Variants in CAST observed in about 807,000 individuals in gnomAD.
CAST encodes the protein calpastatin.
In CAST, 76 loss-of-function variants were observed where a neutral mutation model predicts 119.6. That is an observed-to-expected ratio of 0.64 (90% confidence interval 0.53 to 0.77). The LOEUF (loss-of-function observed/expected upper bound fraction) is 0.77, where lower values mean the gene tolerates loss of function less well. Ranked by LOEUF, CAST falls within the 30% of genes least tolerant of loss-of-function variation. CAST has a pLI of 0.00. For synonymous variants in CAST, 319 were observed against 331.6 expected, an observed-to-expected ratio of 0.96 and a Z score of 0.41; for missense variants, 953 against 946.5, an observed-to-expected ratio of 1.01 and a Z score of -0.09.
chr5:96,729,399 A>G (rs1759994041), intron 7 of CAST, among the ~76,000 whole-genome samples, 190 bp downstream of exon 7: 1 of 152,168 alleles, frequency 6.6e-6, no homozygotes, highest in Admixed American at 6.5e-5. Context: ...ATTTTGGGGG[A>G]AGGATTTGCA....
intron 1 of CAST, among the ~76,000 whole-genome samples, chr5:96,559,556 C>A (rs1168103834): frequency 6.6e-6 from 1 of 152,070 alleles, no homozygotes; most frequent in Non-Finnish European, 1.5e-5. Flanking sequence ...CATTCTTATA[C>A]ACCAATAACA....
chr5:96,479,202 A>G, the CAST span, among the ~76,000 whole-genome samples: 2 of 152,216 alleles, frequency 1.3e-5, 1 homozygote, highest in Admixed American at 1.3e-4. Flanking sequence ...ATCTCTGTCA[A>G]GTCCACTGAA....
At chr5:96,267,446 A>G in the CAST span, among the ~76,000 whole-genome samples, 1 of 152,228 alleles carries the variant, frequency 6.6e-6, no homozygotes, top group Non-Finnish European at 1.5e-5. Context: ...AAAGCAAATA[A>G]CAAATAACAG....
chr5:96,617,626 A>G (rs185701155), intron 1 of CAST, among the ~76,000 whole-genome samples: 6 of 150,974 alleles, frequency 4.0e-5, no homozygotes, highest in African/African-American at 7.3e-5. Context: ...CGTCTCTACT[A>G]AAAATACAAA....
intron 2 of CAST, among the ~76,000 whole-genome samples, chr5:96,694,939 A>G: frequency 6.6e-6 from 1 of 152,246 alleles, no homozygotes; most frequent in East Asian, 1.9e-4. Flanking sequence ...TTCTTCGTAT[A>G]AAATATGAAT....
At chr5:96,060,199 G>A in the CAST span, among the ~76,000 whole-genome samples, 1 of 152,114 alleles carries the variant, frequency 6.6e-6, no homozygotes, top group Non-Finnish European at 1.5e-5. Flanking sequence ...TAGTTCTAAG[G>A]TTATGTTAAC....
upstream of CAST, among the ~76,000 whole-genome samples, chr5:96,658,972 C>T (rs58122101): frequency 3.5e-4 from 54 of 152,304 alleles, no homozygotes; most frequent in East Asian, 9.8e-3. Context: ...TTCTTTGGCT[C>T]TGTTTTTTAT....
chr5:95,961,897 C>T, the CAST span: 10 of 806,702 alleles, frequency 1.2e-5, no homozygotes, highest in Non-Finnish European at 1.6e-5. Flanking sequence ...CCCGCCCCAC[C>T]CTCCGGCCCC....
intron 1 of CAST, among the ~76,000 whole-genome samples, chr5:96,597,808 A>G (rs910670936): frequency 6.6e-6 from 1 of 152,182 alleles, no homozygotes; most frequent in Non-Finnish European, 1.5e-5. Flanking sequence ...CTAAGTAAAT[A>G]TCATCCCTCT....
the CAST span, among the ~76,000 whole-genome samples, chr5:96,093,936 G>GGTGCA: frequency 6.6e-6 from 1 of 152,216 alleles, no homozygotes; most frequent in African/African-American, 2.4e-5. Context: ...ATTAGAGTTT[G>GGTGCA]AGCTGATTGC....
upstream of CAST, among the ~76,000 whole-genome samples, chr5:96,660,545 A>G (rs1364978432): frequency 6.6e-6 from 1 of 152,174 alleles, no homozygotes; most frequent in Non-Finnish European, 1.5e-5. Flanking sequence ...AATAACCTCA[A>G]ACTCTAATGC....
At chr5:96,662,717 C>T (rs1167165851) in intron 1 of CAST, among the ~76,000 whole-genome samples, 1 of 152,002 alleles carries the variant, frequency 6.6e-6, no homozygotes, top group Non-Finnish European at 1.5e-5. Flanking sequence ...TGGCGTTGGC[C>T]GGGTAGAGTG....
chr5:96,753,734 T>C (rs1765676237), intron 20 of CAST, among the ~76,000 whole-genome samples: 1 of 152,246 alleles, frequency 6.6e-6, no homozygotes, highest in African/African-American at 2.4e-5. Flanking sequence ...AAAGACCACG[T>C]CTTTCTTTTT....
At chr5:96,762,473 A>C (rs1355316927) in intron 25 of CAST, 101 bp downstream of exon 25, 2 of 736,872 alleles carry the variant, frequency 2.7e-6, no homozygotes, top group Non-Finnish European at 4.3e-6. Context: ...AGGCAGAATT[A>C]TTAGGAAGAT....
chr5:95,967,107 G>A, the CAST span, among the ~76,000 whole-genome samples: 1 of 152,168 alleles, frequency 6.6e-6, no homozygotes. Context: ...TACTAAAAAG[G>A]AGCAAATGTA....
chr5:96,555,450 A>G (rs191336453), intron 1 of CAST, among the ~76,000 whole-genome samples: 1 of 152,338 alleles, frequency 6.6e-6, no homozygotes, highest in Non-Finnish European at 1.5e-5. Context: ...AGGAAGTGCA[A>G]GGGGTCAGGG....
At chr5:96,044,855 G>A in the CAST span, among the ~76,000 whole-genome samples, 1 of 152,110 alleles carries the variant, frequency 6.6e-6, no homozygotes, top group Non-Finnish European at 1.5e-5. Flanking sequence ...GATGAAAGAA[G>A]TCAGTTACTA....
the CAST span, among the ~76,000 whole-genome samples, chr5:96,268,354 C>CACCACTGCACTCCATTTCACCA: frequency 1.3e-5 from 2 of 152,122 alleles, no homozygotes; most frequent in African/African-American, 4.8e-5. Context: ...GGGAGAATTG[C>CACCACTGCACTCCATTTCACCA]CTGAGGCAAG....
At chr5:96,652,860 G>A (rs7736070) in intron 1 of CAST, among the ~76,000 whole-genome samples, 549 of 152,332 alleles carry the variant, frequency 3.6e-3, no homozygotes, top group African/African-American at 0.012. Context: ...AAGGGGCACA[G>A]ACTGCACGGG....
Sources: gnomAD v4.1 joint callset for allele counts (sites outside exome capture counted in the v4.1 genomes callset) on GRCh38, gnomAD v4.1.1 for gene constraint, MANE v1.5 for transcripts, NCBI Gene and HGNC (gene_info 2026-07-23, HGNC 2026-07-21) for gene names.